ZNF652: variants seen among roughly 807,000 people sequenced by gnomAD.
The protein encoded by ZNF652 is zinc finger protein 652.
In ZNF652, 16 loss-of-function variants were observed where a neutral mutation model predicts 45.2. The ratio of observed to expected loss-of-function variants is 0.35; its 90% confidence interval spans 0.24 to 0.54. The LOEUF (loss-of-function observed/expected upper bound fraction) is 0.54. Among genes scored for constraint, ZNF652 ranks in the 20% least tolerant of loss-of-function variants. The probability of loss-of-function intolerance (pLI) is 0.91; values close to 1 mark genes in which losing one functional copy is unlikely to be tolerated. For missense variants in ZNF652, 614 were observed against 765.6 expected (o/e 0.80, Z 2.34); for synonymous variants, 250 against 260.6 (o/e 0.96, Z 0.39).
rs558155451 is a variant in ZNF652, at chr17:49,358,645, C to A, written c.-259+3264G>T. Among the ~76,000 whole-genome samples, 38 of 152,304 alleles carry A rather than the reference C, an allele frequency of 2.5e-4. 2 individuals carry two copies. The South Asian group carries it at 7.9e-3, about 32-fold the overall frequency. ...GGCTTCAGACATTCAAAAACAAAAT[C>A]ACATCAGTAGCATTACTAATCAACT... On this transcript the variant is annotated intron_variant, in intron 1 of 5. Coordinates refer to ENST00000430262, the MANE Select transcript of ZNF652 (RefSeq NM_001145365.3).
At position 49,315,039 on chromosome 17, in the gene ZNF652, T is replaced by TTAG. The variant is rs199798522; in HGVS notation, c.900+1786_900+1787insCTA. On this transcript the variant is annotated intron_variant, in intron 2 of 5. Coordinates refer to ENST00000430262, the MANE Select transcript of ZNF652 (RefSeq NM_001145365.3). Reference sequence around the variant, plus strand: ...ACCCGGCCTTAGGGGAGGGTTTTAGTTTGTTTTTTTTTTTTTTTTGAGACG... The same window carrying TTAG: ...ACCCGGCCTTAGGGGAGGGTTTTAGTTAGTTGTTTTTTTTTTTTTTTTGAGACG... Among the ~76,000 whole-genome samples, 450 of 108,500 alleles carry TTAG rather than the reference T, an allele frequency of 4.1e-3. 7 individuals carry two copies. Among genetic ancestry groups the TTAG allele is most frequent in the Admixed American group, 4.8e-3 (44 of 9,228 alleles). 71.2% of individuals were successfully genotyped at this position (108,500 alleles called of 152,430 possible). A position where few individuals can be genotyped will look rare whatever the true frequency, so the allele number is the denominator to read the frequency against.
At chr17:49,354,917 G>A (rs1014813774) in intron 1 of ZNF652, among the ~76,000 whole-genome samples, 1 of 151,848 alleles carries the variant, frequency 6.6e-6, no homozygotes, top group Non-Finnish European at 1.5e-5. Context: ...GTAGAGATGG[G>A]GTTTCTCCAT....
At chr17:49,346,537 G>A (rs1368250183) in intron 1 of ZNF652, among the ~76,000 whole-genome samples, 3 of 144,320 alleles carry the variant, frequency 2.1e-5, no homozygotes, top group South Asian at 2.1e-4. Context: ...GGTGACAAGA[G>A]TGAAACTCCG....
chr17:49,337,349 A>G (rs1269346705), intron 1 of ZNF652, among the ~76,000 whole-genome samples: 4 of 151,176 alleles, frequency 2.6e-5, no homozygotes, highest in Non-Finnish European at 5.9e-5. Flanking sequence ...AAAAAAAAAA[A>G]AAAAAGAAAA....
In ZNF652 at chr17:49,317,357, A is replaced by G. The variant is rs1213496322; in HGVS notation, c.369T>C (p.Leu123=). The G allele has an allele frequency of 6.2e-7, 1 of 1,613,812 alleles. No homozygotes were observed. The highest frequency in any genetic ancestry group is 1.7e-5 in the Admixed American group (1 of 59,984). The change falls in exon 2 of 6, where the codon CTT becomes CTC. Residue 123 remains leucine (L), a synonymous_variant. Transcript: ENST00000430262. ...KREQIIVEVN[L]NNQTLNVSKG... ...TAGATACATTTAATGTTTGATTATT[A>G]AGGTTTACCTCCACTATGATCTGCT...
At chr17:49,314,328 A>G (rs1393734034) in intron 2 of ZNF652, among the ~76,000 whole-genome samples, 1 of 151,628 alleles carries the variant, frequency 6.6e-6, no homozygotes, top group Admixed American at 6.6e-5. Flanking sequence ...TGCCTGGCTA[A>G]TTTTTGTATT....
chr17:49,313,876 G>A lies in ZNF652; in HGVS notation c.901-1031C>T, dbSNP rs1047304535. Among the ~76,000 whole-genome samples, 8 of 147,038 alleles carry A rather than the reference G, an allele frequency of 5.4e-5. No individual in the cohort carries two copies. In the South Asian group the frequency reaches 1.6e-3, roughly 29 times the overall value. On this transcript the variant is annotated intron_variant, in intron 2 of 5. Transcript: ENST00000430262. The stretch of plus-strand genomic sequence containing the variant: ...TAATCCCAGCTACTCAGGAGGCTGA[G>A]GCAGGAGAATCTCTTGAACCGGGAG...
In ZNF652 at chr17:49,317,538, A is replaced by G; in HGVS notation, c.188T>C (p.Val63Ala). The change falls in exon 2 of 6, where the codon GTG becomes GCG. Residue 63 changes from valine (V) to alanine (A), a missense_variant. Val to Ala is a moderately conservative substitution (Grantham distance 64). Transcript: ENST00000430262. ...RESGSPYSVLVDTKMSKPHLH... is the reference protein window; with the variant it reads ...RESGSPYSVLADTKMSKPHLH... The stretch of plus-strand genomic sequence containing the variant: ...ATGCGGTTTGCTCATCTTGGTGTCC[A>G]CTAACACAGAATAAGGACTTCCTGA... 1.9e-6 allele frequency: 3 copies of G among 1,614,112 alleles called. No individual in the cohort carries two copies. The highest frequency in any genetic ancestry group is 1.1e-5 in the South Asian group (1 of 91,082).
chr17:49,318,107 C>T (rs1371598340), intron 1 of ZNF652, 124 bp from the exon 2 acceptor site: 2 of 155,008 alleles, frequency 1.3e-5, no homozygotes, highest in Non-Finnish European at 2.9e-5. Context: ...GAGATGGAGT[C>T]TCACTCTGTC....
At chr17:49,303,738 T>G (rs1207502796) in intron 5 of ZNF652, among the ~76,000 whole-genome samples, 1 of 152,002 alleles carries the variant, frequency 6.6e-6, no homozygotes, top group Non-Finnish European at 1.5e-5. Flanking sequence ...CTCTCCACAT[T>G]ATTTACTAAT....
intron 2 of ZNF652, among the ~76,000 whole-genome samples, chr17:49,314,854 C>A (rs1414315207): frequency 6.6e-6 from 1 of 152,082 alleles, no homozygotes. Flanking sequence ...CTACTACTAT[C>A]AGCCATTTTG....
intron 5 of ZNF652, among the ~76,000 whole-genome samples, chr17:49,305,464 A>T (rs2069616477): frequency 6.6e-6 from 1 of 152,192 alleles, no homozygotes; most frequent in Non-Finnish European, 1.5e-5. Flanking sequence ...ATAAATAAAT[A>T]AAATAAAGAT....
intron 1 of ZNF652, among the ~76,000 whole-genome samples, chr17:49,353,464 C>T (rs2070303304): frequency 6.6e-6 from 1 of 152,060 alleles, no homozygotes; most frequent in African/African-American, 2.4e-5. Flanking sequence ...GACACTGTAC[C>T]CAGACAAATT....
rs559209592 is a variant in ZNF652 at position 49,341,166 on chromosome 17, C to T, written c.-259+20743G>A. On this transcript the variant is annotated intron_variant, in intron 1 of 5. Coordinates refer to ENST00000430262, the MANE Select transcript of ZNF652 (RefSeq NM_001145365.3). ...GTGGAGGTTGCAGTGAGCTGAGAGT[C>T]GAGATCAGGCCACTGTACTCTAGAC... Among the ~76,000 whole-genome samples the T allele has an allele frequency of 1.1e-4, 17 of 151,692 alleles. No individual in the cohort carries two copies. In the East Asian group the frequency reaches 1.6e-3, roughly 14 times the overall value.
At chr17:49,340,870 G>GC (rs2070138163) in intron 1 of ZNF652, among the ~76,000 whole-genome samples, 1 of 152,078 alleles carries the variant, frequency 6.6e-6, no homozygotes, top group Non-Finnish European at 1.5e-5. Context: ...AACATTTGGG[G>GC]CCTGGGCCAC....
chr17:49,336,955 T>TGTTTGTTTG lies in ZNF652; in HGVS notation c.-258-18973_-258-18972insCAAACAAAC, dbSNP rs1164419952. ...TTTCTTAATGGTGTTTTTTTTTTTT[T>TGTTTGTTTG]TTTTTTTTTTAAGTATGTAAGTCAC... On this transcript the variant is annotated intron_variant, in intron 1 of 5. Coordinates refer to ENST00000430262, the MANE Select transcript of ZNF652 (RefSeq NM_001145365.3). 5.0e-4 allele frequency among the ~76,000 whole-genome samples: 63 copies of TGTTTGTTTG among 125,334 alleles called. 1 individual carries two copies. Among genetic ancestry groups the TGTTTGTTTG allele is most frequent in the African/African-American group, 1.7e-3 (57 of 33,830 alleles). The allele number at this position is 125,334 out of a possible 152,430, so 82.2% of individuals were successfully genotyped here.
chr17:49,339,881 A>G (rs1267923857), intron 1 of ZNF652, among the ~76,000 whole-genome samples: 1 of 152,180 alleles, frequency 6.6e-6, no homozygotes, highest in African/African-American at 2.4e-5. Flanking sequence ...CAACAGGCAC[A>G]TGCCACCACG....
intron 1 of ZNF652, among the ~76,000 whole-genome samples, chr17:49,351,014 T>TATATACACAC (rs2070273379): frequency 1.3e-4 from 4 of 29,714 alleles, no homozygotes; most frequent in East Asian, 8.1e-4. Flanking sequence ...TATATATATA[T>TATATACACAC]ACACACACAC....
At chr17:49,335,034 A>G (rs2070065715) in intron 1 of ZNF652, among the ~76,000 whole-genome samples, 1 of 152,138 alleles carries the variant, frequency 6.6e-6, no homozygotes, top group Non-Finnish European at 1.5e-5. Flanking sequence ...ATGTTCTGGA[A>G]TTAGACATAG....
Sources: allele counts gnomAD v4.1 joint callset (sites outside exome capture counted in the v4.1 genomes callset), GRCh38; gene constraint gnomAD v4.1.1; transcripts MANE v1.5; gene names NCBI Gene and HGNC (gene_info 2026-07-23, HGNC 2026-07-21).